PAK4: variants seen among roughly 807,000 people sequenced by gnomAD.
The protein encoded by PAK4 is serine/threonine-protein kinase PAK 4.
In PAK4, 49 loss-of-function variants were observed where a neutral mutation model predicts 53.5. The ratio of observed to expected loss-of-function variants is 0.92; its 90% CI spans 0.73 to 1.16. The LOEUF (loss-of-function observed/expected upper bound fraction) is 1.16, where lower values mean the gene tolerates loss of function less well. PAK4 is among the 50% of genes most tolerant of loss of function. PAK4 has a pLI of 0.00. For synonymous variants in PAK4, 376 were observed against 375.6 expected (o/e 1.00, Z -0.01); for missense variants, 824 against 850.7 (o/e 0.97, Z 0.39).
intron 1 of PAK4, among the ~76,000 whole-genome samples, chr19:39,152,598 A>G (rs2074110845): frequency 1.3e-5 from 2 of 152,208 alleles, no homozygotes; most frequent in Non-Finnish European, 2.9e-5. Flanking sequence ...GAAATTGCGA[A>G]GAAGGGAAAG....
At chr19:39,137,529 G>A (rs1044834331) in intron 1 of PAK4, among the ~76,000 whole-genome samples, 5 of 152,078 alleles carry the variant, frequency 3.3e-5, no homozygotes, top group Admixed American at 2.6e-4. Context: ...TAAGTCCTTC[G>A]CCCATTTTGC....
intron 2 of PAK4, among the ~76,000 whole-genome samples, chr19:39,172,690 G>T (rs1165647053): frequency 2.0e-5 from 3 of 152,162 alleles, no homozygotes; most frequent in African/African-American, 7.2e-5. Flanking sequence ...ACCGAGCCCA[G>T]GGGGCAGCAG....
chr19:39,147,111 T>G (rs141264693), intron 1 of PAK4, among the ~76,000 whole-genome samples: 320 of 27,206 alleles, frequency 0.012, no homozygotes, highest in Middle Eastern at 0.077. Flanking sequence ...TCATTGACAT[T>G]GACATTGTCA....
At chr19:39,177,719 C>T (rs749356499) in exon 8 of PAK4, 30 of 1,613,420 alleles carry the variant, frequency 1.9e-5, no homozygotes, top group African/African-American at 1.1e-4. Context: ...AGATGGTGGA[C>T]GGAGAGCCCC....
intron 1 of PAK4, chr19:39,152,423 A>T (rs1350355298): frequency 6.6e-6 from 1 of 152,208 alleles, no homozygotes; most frequent in Non-Finnish European, 1.5e-5. Flanking sequence ...CATTGTCCCC[A>T]AAGTGCAAGA....
chr19:39,170,906 G>A (rs113141579), intron 2 of PAK4, among the ~76,000 whole-genome samples: 5 of 152,328 alleles, frequency 3.3e-5, no homozygotes, highest in African/African-American at 4.8e-5. Context: ...CTGCCTCCAC[G>A]GGCAGGGCAC....
Position 39,161,458 on chromosome 19 carries a change from T to C in PAK4, c.-22-8074T>C, listed in dbSNP as rs2074282665. 6.6e-6 allele frequency among the ~76,000 whole-genome samples: 1 copy of C among 152,118 alleles called. No individual in the cohort carries two copies. The highest frequency in any genetic ancestry group is 1.5e-5 in the Non-Finnish European group (1 of 67,994). ...AGTCCTGCCACCTCCACCTTTACAG[T>C]GTGCCCAGAACCTGCTCATGCCGCC... On this transcript the variant is annotated intron_variant, in intron 1 of 8. Transcript: ENST00000358301. The surrounding 1 kb of genome is among the most constrained non-coding windows in gnomAD (Gnocchi z 4.5).
intron 1 of PAK4, among the ~76,000 whole-genome samples, chr19:39,147,074 TGTCATTGTCAATTGTCAATGAC>T (rs879274168): frequency 0.61 from 91,522 of 150,588 alleles, 28,027 homozygotes; most frequent in East Asian, 0.82. Context: ...AATTGACAAT[TGTCATTGTCAATTGTCAATGAC>T]AATGTCATTG....
chr19:39,128,000 G>A (rs937197728), intron 1 of PAK4, among the ~76,000 whole-genome samples: 1 of 152,202 alleles, frequency 6.6e-6, no homozygotes, highest in African/African-American at 2.4e-5. Flanking sequence ...TTGGAGGGAC[G>A]GTGGGAGCAG....
At chr19:39,140,594 A>G (rs1273372885) in intron 1 of PAK4, among the ~76,000 whole-genome samples, 1 of 152,218 alleles carries the variant, frequency 6.6e-6, no homozygotes, top group Non-Finnish European at 1.5e-5. Flanking sequence ...AGAAAGGCGA[A>G]TATTACATTG....
chr19:39,141,520 T>C (rs1196350255), intron 1 of PAK4, among the ~76,000 whole-genome samples: 1 of 151,942 alleles, frequency 6.6e-6, no homozygotes, highest in East Asian at 1.9e-4. Context: ...CTCACCATAT[T>C]GATCAGGCTG....
chr19:39,139,263 G>A (rs113216524), intron 1 of PAK4, among the ~76,000 whole-genome samples: 5 of 152,318 alleles, frequency 3.3e-5, no homozygotes, highest in African/African-American at 1.2e-4. Flanking sequence ...CAGCCGCACG[G>A]CCCCTTGCCA....
intron 1 of PAK4, among the ~76,000 whole-genome samples, chr19:39,148,875 A>G (rs1243561479): frequency 6.6e-6 from 1 of 151,828 alleles, no homozygotes; most frequent in Non-Finnish European, 1.5e-5. Flanking sequence ...CCCGTTTGGC[A>G]TGTGGATGTC....
At chr19:39,156,147 T>G (rs2074176314) in intron 1 of PAK4, among the ~76,000 whole-genome samples, 1 of 152,176 alleles carries the variant, frequency 6.6e-6, no homozygotes, top group Admixed American at 6.5e-5. Context: ...TTCCTCCTCA[T>G]GGGTGAGGGG....
chr19:39,155,413 C>T (rs1224645372), intron 1 of PAK4, among the ~76,000 whole-genome samples: 1 of 152,094 alleles, frequency 6.6e-6, no homozygotes, highest in African/African-American at 2.4e-5. Flanking sequence ...GTGCACAGGG[C>T]TGGAGCCCAG....
rs746086247 is a variant in PAK4 at position 39,173,569 on chromosome 19, GT to G, written c.664-4del. The G allele has an allele frequency of 7.2e-6, 11 of 1,518,616 alleles. No homozygotes were observed. The highest frequency in any genetic ancestry group is 9.7e-6 in the Non-Finnish European group (11 of 1,134,648). The allele number at this position is 1,518,616 out of a possible 1,614,324, so 94.1% of individuals were successfully genotyped here. A position where few individuals can be genotyped will look rare whatever the true frequency, so the allele number is the denominator to read the frequency against. On this transcript the variant is annotated splice_region_variant and splice_polypyrimidine_tract_variant and intron_variant, in intron 3 of 8. Transcript: ENST00000358301. This position sits in a 1 kb window ranked among gnomAD's most constrained non-coding sequence, Gnocchi z 6.9. ...CATCACTGACAGCTACCTCTCTTCT[GT>G]TTCAGGGGGAGCCTCATGACGTGGC...
intron 1 of PAK4, among the ~76,000 whole-genome samples, chr19:39,137,441 G>A (rs1311126185): frequency 1.3e-5 from 2 of 152,248 alleles, no homozygotes; most frequent in Non-Finnish European, 2.9e-5. Context: ...TGCTGCCTGG[G>A]CCTCCCTGAA....
chr19:39,176,781 C>T (rs1600414194), intron 7 of PAK4, 66 bp downstream of exon 8: 8 of 1,572,760 alleles, frequency 5.1e-6, no homozygotes, highest in South Asian at 1.1e-5. Context: ...CCAGCTGCAG[C>T]GCTGGCGGGA....
chr19:39,130,028 G>A (rs943349396), intron 1 of PAK4, among the ~76,000 whole-genome samples: 6 of 152,030 alleles, frequency 3.9e-5, no homozygotes, highest in East Asian at 1.9e-4. Flanking sequence ...GTCCCCAGAC[G>A]GTGACAGCCC....
Sources: gnomAD v4.1 joint callset for allele counts (sites outside exome capture counted in the v4.1 genomes callset) on GRCh38, gnomAD v4.1.1 for gene constraint, Gnocchi (gnomAD v3.1) non-coding constraint, MANE v1.5 for transcripts, NCBI Gene and HGNC (gene_info 2026-07-23, HGNC 2026-07-21) for gene names.